OTUD6B: variants seen among roughly 807,000 people sequenced by gnomAD.
OTUD6B encodes the protein OTU deubiquitinase 6B.
OTUD6B carries 41 observed loss-of-function variants against 36.9 expected under a neutral mutation model. The observed-to-expected ratio is 1.11, with a 90% confidence interval of 0.87 to 1.44. The LOEUF is 1.44. Among genes scored for constraint, OTUD6B ranks in the 40% most tolerant of loss-of-function variants. OTUD6B has a pLI of 0.00. For synonymous variants in OTUD6B, 114 were observed against 114.2 expected (o/e 1.00, Z 0.01); for missense variants, 356 against 344.8 (o/e 1.03, Z -0.26).
Position 91,080,711 on chromosome 8 carries a change from C to G in OTUD6B, c.671C>G (p.Ala224Gly), listed in dbSNP as rs768013337. The change falls in exon 5 of 7, where the codon GCA becomes GGA. Residue 224 changes from alanine to glycine, a missense_variant. By Grantham distance (60) the Ala-to-Gly change is moderately conservative (BLOSUM62 0). Coordinates refer to ENST00000404789, the MANE Select transcript of OTUD6B (RefSeq NM_016023.5). The part of the protein sequence containing the change: ...KYCEDIVNTA[A>G]WGGQLELRAL... ...TGTGAAGATATTGTAAACACAGCTG[C>G]ATGGGGAGGTCAGCTTGAGGTAAGT... 4 of 1,603,272 alleles carry G rather than the reference C, an allele frequency of 2.5e-6. 1 individual carries two copies. The South Asian group carries it at 4.5e-5, about 18-fold the overall frequency.
rs750724583 is a variant in OTUD6B at position 91,070,361 on chromosome 8, C to T, written c.-24C>T. 3.7e-6 allele frequency: 6 copies of T among 1,612,522 alleles called. No homozygotes were observed. The highest frequency in any genetic ancestry group is 1.7e-5 in the Admixed American group (1 of 59,776). On this transcript the variant is annotated 5_prime_UTR_variant, in exon 1 of 7. Transcript: ENST00000404789. ...TAGCCGGTGCAGGTTTCTTCTAGCG[C>T]GTGTGCTGGGGTACCTGGTCGTCAT...
At chr8:91,078,959 G>A (rs1010648685) in intron 4 of OTUD6B, 10 of 218,824 alleles carry the variant, frequency 4.6e-5, no homozygotes, top group African/African-American at 2.3e-4. Flanking sequence ...GTTCTTATTT[G>A]ACAAAGTGAA....
chr8:91,070,651 T>G (rs1366855296), intron 1 of OTUD6B, among the ~76,000 whole-genome samples, 185 bp downstream of exon 1: 1 of 152,114 alleles, frequency 6.6e-6, no homozygotes, highest in Non-Finnish European at 1.5e-5. Context: ...CTTCAGAGGC[T>G]TCCCCTTCTG....
intron 4 of OTUD6B, 183 bp from the exon 5 acceptor site, chr8:91,080,486 A>G: frequency 3.9e-6 from 3 of 772,748 alleles, no homozygotes; most frequent in Non-Finnish European, 4.7e-6. Flanking sequence ...GAAATGTGGT[A>G]GAAAGTTGGG....
At chr8:91,073,187 T>C (rs1812730958) in intron 2 of OTUD6B, among the ~76,000 whole-genome samples, 1 of 152,232 alleles carries the variant, frequency 6.6e-6, no homozygotes, top group Non-Finnish European at 1.5e-5. Context: ...AAAAACTGGC[T>C]TACCTTAGAG....
At chr8:91,073,939 A>AAGTTAGTG in intron 3 of OTUD6B, 28 bp downstream of exon 3, 1 of 1,466,058 alleles carries the variant, frequency 6.8e-7, no homozygotes, top group Non-Finnish European at 9.4e-7. Context: ...CCAAGTATAT[A>AAGTTAGTG]AGTTAGTGCT....
chr8:91,071,928 G>A (rs1217869723), intron 2 of OTUD6B, among the ~76,000 whole-genome samples: 4 of 152,144 alleles, frequency 2.6e-5, no homozygotes, highest in African/African-American at 9.7e-5. Flanking sequence ...ATCTTTCTGA[G>A]CTCAAATTTT....
chr8:91,083,652 T>C (rs533222227), intron 5 of OTUD6B, among the ~76,000 whole-genome samples: 3 of 152,294 alleles, frequency 2.0e-5, no homozygotes, highest in Admixed American at 2.0e-4. Context: ...ATTTAAAATG[T>C]ATAAAATTAC....
chr8:91,083,840 ATATT>A, intron 5 of OTUD6B, 164 bp from the exon 6 acceptor site: 1 of 304,136 alleles, frequency 3.3e-6, no homozygotes, highest in East Asian at 1.7e-4. Flanking sequence ...AACCTGTATT[ATATT>A]TATTTATTCA....
In OTUD6B at chr8:91,083,456, A is replaced by G. The variant is rs550550055; in HGVS notation, c.691-552A>G. Reference sequence around the variant, plus strand: ...GATATTTTTTACAAAGCTTTTGTGCAGGCAGGGCTTGAGCAGTCTCTGCAT... The same window carrying G: ...GATATTTTTTACAAAGCTTTTGTGCGGGCAGGGCTTGAGCAGTCTCTGCAT... On this transcript the variant is annotated intron_variant, in intron 5 of 6. Coordinates refer to ENST00000404789, the MANE Select transcript of OTUD6B (RefSeq NM_016023.5). Among the ~76,000 whole-genome samples the G allele has an allele frequency of 9.2e-5, 14 of 152,258 alleles. No homozygotes were observed. In the South Asian group the frequency reaches 2.5e-3, roughly 27 times the overall value.
chr8:91,078,371 T>C lies in OTUD6B; in HGVS notation c.331T>C (p.Leu111=), dbSNP rs1172209617. ...CTTTTCTTAGGAAAAGAAAGCTGCA[T>C]TGGAAAAGGAGCGAGAAGAACGGAT... ...AQKRREKKAA[L]EKEREERIAE... Residue 111 remains leucine, a synonymous_variant, in exon 4 of 7, where the codon TTG becomes CTG. Coordinates refer to ENST00000404789, the MANE Select transcript of OTUD6B (RefSeq NM_016023.5). The C allele has an allele frequency of 6.4e-7, 1 of 1,574,548 alleles. No homozygotes were observed. The highest frequency in any genetic ancestry group is 1.9e-5 in the Admixed American group (1 of 53,670).
At chr8:91,072,012 G>A (rs377244267) in intron 2 of OTUD6B, among the ~76,000 whole-genome samples, 44 of 152,302 alleles carry the variant, frequency 2.9e-4, no homozygotes, top group Non-Finnish European at 5.3e-4. Context: ...GAAAGTGAAC[G>A]TGAAGTCATT....
At chr8:91,070,596 C>A in intron 1 of OTUD6B, 130 bp downstream of exon 1, 2 of 821,636 alleles carry the variant, frequency 2.4e-6, no homozygotes, top group Non-Finnish European at 3.8e-6. Flanking sequence ...TAGCAAGTGG[C>A]CTCTTCTCTC....
chr8:91,071,227 G>A lies in OTUD6B; in HGVS notation c.172G>A (p.Glu58Lys), dbSNP rs554642481. The A allele has an allele frequency of 2.2e-5, 36 of 1,613,884 alleles. 1 individual carries two copies. The African/African-American group carries it at 4.1e-4, about 19-fold the overall frequency. ...LTEDVAKLEK[E>K]MEQKHREELE... ...CGAAGATGTGGCCAAGTTGGAAAAA[G>A]AAATGGAACAGAAACATAGAGAGGA... is the stretch of plus-strand genomic sequence containing the variant. The change falls in exon 2 of 7, where the codon GAA becomes AAA. Residue 58 changes from glutamate (E) to lysine (K), a missense_variant. Coordinates refer to ENST00000404789, the MANE Select transcript of OTUD6B (RefSeq NM_016023.5).
intron 5 of OTUD6B, among the ~76,000 whole-genome samples, chr8:91,082,928 C>T (rs778542868): frequency 6.6e-6 from 1 of 151,468 alleles, no homozygotes; most frequent in Non-Finnish European, 1.5e-5. Flanking sequence ...AGTCTGGTCT[C>T]GAATGCCTGG....
Position 91,085,957 on chromosome 8 carries a change from A to C in OTUD6B, c.*1089A>C, listed in dbSNP as rs1425106817. On this transcript the variant is annotated 3_prime_UTR_variant, in exon 7 of 7. Coordinates refer to ENST00000404789, the MANE Select transcript of OTUD6B (RefSeq NM_016023.5). ...TCAAATATTTGAGAAATTTTATGTT[A>C]CATATATGAATGAAGTTGAAAGCTA... 1.3e-5 allele frequency: 2 copies of C among 152,098 alleles called. No homozygotes were observed. Among genetic ancestry groups the C allele is most frequent in the Non-Finnish European group, 2.9e-5 (2 of 67,990 alleles). The allele number at this position is 152,098 out of a possible 1,614,324, so 9.4% of individuals were successfully genotyped here.
chr8:91,082,606 C>A (rs1020997446), intron 5 of OTUD6B, among the ~76,000 whole-genome samples: 3 of 151,748 alleles, frequency 2.0e-5, no homozygotes, highest in Non-Finnish European at 2.9e-5. Flanking sequence ...GTGACTTTGA[C>A]AAGTCTTGTA....
At position 91,084,925 on chromosome 8, in the gene OTUD6B, A is replaced by G; in HGVS notation, c.*57A>G. 1 of 856,980 alleles carries G rather than the reference A, an allele frequency of 1.2e-6. No individual in the cohort carries two copies. The highest frequency in any genetic ancestry group is 1.8e-6 in the Non-Finnish European group (1 of 569,694). The allele number at this position is 856,980 out of a possible 1,614,324, so 53.1% of individuals were successfully genotyped here. On this transcript the variant is annotated 3_prime_UTR_variant, in exon 7 of 7. Transcript: ENST00000404789. ...ACAGTGTGCTGAACTGAGTATTTCTACCAAGTGTTGGGTTGTTCTAAATGC... is the reference window on the plus strand; with the variant it reads ...ACAGTGTGCTGAACTGAGTATTTCTGCCAAGTGTTGGGTTGTTCTAAATGC...
At position 91,078,892 on chromosome 8, in the gene OTUD6B, TA is replaced by T. The variant is rs529359663; in HGVS notation, c.628+226del. Reference sequence around the variant, plus strand: ...TAGTTATTTTGTAATTATAATATGCTAATCATTTTATGTAAGATAGAAGTAG... The same window carrying T: ...TAGTTATTTTGTAATTATAATATGCTATCATTTTATGTAAGATAGAAGTAG... On this transcript the variant is annotated intron_variant, in intron 4 of 6. Transcript: ENST00000404789. 1.4e-3 allele frequency: 504 copies of T among 370,592 alleles called. 2 individuals are homozygous for T. The highest frequency in any genetic ancestry group is 9.3e-3 in the African/African-American group (443 of 47,554). 23.0% of individuals were successfully genotyped at this position (370,592 alleles called of 1,614,324 possible).
Sources: gnomAD v4.1 joint callset for allele counts (sites outside exome capture counted in the v4.1 genomes callset) on GRCh38, gnomAD v4.1.1 for gene constraint, MANE v1.5 for transcripts, NCBI Gene and HGNC (gene_info 2026-07-23, HGNC 2026-07-21) for gene names.